DLGAP4: variants seen among roughly 807,000 people sequenced by gnomAD.
DLGAP4 encodes disks large-associated protein 4.
DLGAP4 carries 18 observed loss-of-function variants against 86.9 expected under a neutral mutation model. The ratio of observed to expected loss-of-function variants is 0.21; its 90% CI spans 0.14 to 0.31. The LOEUF (loss-of-function observed/expected upper bound fraction) is 0.31, where lower values mean the gene tolerates loss of function less well. Ranked by LOEUF, DLGAP4 falls within the 10% of genes least tolerant of loss-of-function variation. The pLI is 1.00. For missense variants in DLGAP4, 1,085 were observed against 1,362.6 expected (o/e 0.80, Z 3.21); for synonymous variants, 548 against 574.3 (o/e 0.95, Z 0.65).
chr20:36,397,225 G>GA (rs1167524911), intron 2 of DLGAP4, among the ~76,000 whole-genome samples: 1 of 152,182 alleles, frequency 6.6e-6, no homozygotes, highest in African/African-American at 2.4e-5. Context: ...GAGCTTGTTA[G>GA]AAAATGTAAG....
chr20:36,394,710 T>G (rs1569483909), intron 2 of DLGAP4, among the ~76,000 whole-genome samples: 1 of 127,392 alleles, frequency 7.8e-6, no homozygotes, highest in Non-Finnish European at 1.6e-5. Flanking sequence ...TCCCAGCCTC[T>G]CCATGACCCA....
chr20:36,499,285 G>A (rs745981177), intron 8 of DLGAP4: 5 of 1,613,830 alleles, frequency 3.1e-6, no homozygotes, highest in East Asian at 2.2e-5. Flanking sequence ...GAGGACAACG[G>A]ACCCAAAGCG....
intron 8 of DLGAP4, chr20:36,499,357 TCCCGCCCACCTG>T (rs763710361): frequency 4.5e-6 from 5 of 1,113,836 alleles, no homozygotes; most frequent in East Asian, 5.4e-5. Context: ...CCATCCCACC[TCCCGCCCACCTG>T]CCCGCCCGCC....
chr20:36,348,658 C>CA (rs2030025967), intron 1 of DLGAP4, among the ~76,000 whole-genome samples: 1 of 151,956 alleles, frequency 6.6e-6, no homozygotes, highest in Non-Finnish European at 1.5e-5. Flanking sequence ...ACCTTGTGAT[C>CA]CGCCCACTTC....
At chr20:36,356,618 G>A (rs1243850699) in intron 1 of DLGAP4, among the ~76,000 whole-genome samples, 1 of 147,828 alleles carries the variant, frequency 6.8e-6, no homozygotes, top group Admixed American at 6.8e-5. Context: ...GCCCGTTGTT[G>A]TTTTTGTTTG....
At chr20:36,483,628 T>G (rs1365466615) in intron 7 of DLGAP4, among the ~76,000 whole-genome samples, 1 of 152,186 alleles carries the variant, frequency 6.6e-6, no homozygotes. Flanking sequence ...TCAGGCCCCC[T>G]TGGGAATCCC....
intron 1 of DLGAP4, among the ~76,000 whole-genome samples, chr20:36,327,608 T>G: frequency 6.8e-6 from 1 of 147,700 alleles, no homozygotes; most frequent in Admixed American, 6.7e-5. Context: ...TTTTTTTTTT[T>G]TGAGACGGAG....
chr20:36,496,963 C>G lies in DLGAP4; in HGVS notation c.1907C>G (p.Pro636Arg), dbSNP rs558006730. 6.2e-7 allele frequency: 1 copy of G among 1,614,154 alleles called. No homozygotes were observed. The highest frequency in any genetic ancestry group is 8.5e-7 in the Non-Finnish European group (1 of 1,180,016). Residue 636 changes from proline to arginine, a missense_variant, in exon 8 of 13, where the codon CCC becomes CGC. Around this residue, in one of 2 missense-constraint regions of DLGAP4, gnomAD observed 1,082 missense variants for 1,344.1 expected, o/e 0.81. Coordinates refer to ENST00000339266, the MANE Select transcript of DLGAP4 (RefSeq NM_001365621.2). Reference protein sequence around the residue: ...VAPAPEAPEPPPKHAALKSEQ... With the variant: ...VAPAPEAPEPRPKHAALKSEQ... The stretch of plus-strand genomic sequence containing the variant: ...CCAGCCCCTGAGGCCCCAGAGCCAC[C>G]CCCAAAACATGCAGCTCTGAAAAGT...
chr20:36,432,308 C>T lies in DLGAP4; in HGVS notation c.591C>T (p.Ser197=), dbSNP rs2033150929. 2 of 1,613,628 alleles carry T rather than the reference C, an allele frequency of 1.2e-6. No individual in the cohort carries two copies. Among genetic ancestry groups the T allele is most frequent in the African/African-American group, 1.3e-5 (1 of 74,948 alleles). Residue 197 remains serine, a synonymous_variant, in exon 3 of 13, where the codon AGC becomes AGT. Coordinates refer to ENST00000339266, the MANE Select transcript of DLGAP4 (RefSeq NM_001365621.2). This position sits in a 1 kb window ranked among gnomAD's most constrained non-coding sequence, Gnocchi z 6.5. ...AGGCTGGGGAGCCCAAACGGCGCAGCCGCTCCAACATCTCAGGCTGGTGGA... is the reference window on the plus strand; with the variant it reads ...AGGCTGGGGAGCCCAAACGGCGCAGTCGCTCCAACATCTCAGGCTGGTGGA... ...RAKAGEPKRR[S]RSNISGWWSS...
intron 2 of DLGAP4, among the ~76,000 whole-genome samples, chr20:36,382,394 G>C (rs540157950): frequency 1.3e-5 from 2 of 151,706 alleles, no homozygotes; most frequent in African/African-American, 4.8e-5. Flanking sequence ...AGGGGGTGGG[G>C]GTGGAGGGGC....
chr20:36,515,593 T>C (rs1401167232), intron 10 of DLGAP4, among the ~76,000 whole-genome samples: 2 of 152,238 alleles, frequency 1.3e-5, no homozygotes, highest in African/African-American at 4.8e-5. Flanking sequence ...TGTATTTTAA[T>C]TTATTTATTT....
chr20:36,521,604 G>A (rs913036181), intron 10 of DLGAP4, among the ~76,000 whole-genome samples: 3 of 152,034 alleles, frequency 2.0e-5, no homozygotes, highest in African/African-American at 4.8e-5. Flanking sequence ...AAGCCTTTCA[G>A]CCCTCCTCTC....
intron 1 of DLGAP4, among the ~76,000 whole-genome samples, chr20:36,332,679 G>T (rs574991794): frequency 6.6e-6 from 1 of 152,070 alleles, no homozygotes; most frequent in Non-Finnish European, 1.5e-5. Context: ...CATCTGTCCC[G>T]GCAGCCCCAG....
chr20:36,465,946 C>G (rs578031057), intron 7 of DLGAP4, among the ~76,000 whole-genome samples: 2 of 152,272 alleles, frequency 1.3e-5, no homozygotes, highest in East Asian at 3.9e-4. Flanking sequence ...GGAAGTTTGT[C>G]CTTGCTGGCT....
Position 36,317,313 on chromosome 20 carries a change from C to A in DLGAP4, c.-304+10801C>A, listed in dbSNP as rs1405117547. 1.7e-4 allele frequency among the ~76,000 whole-genome samples: 3 copies of A among 18,178 alleles called. 1 individual carries two copies. The highest frequency in any genetic ancestry group is 3.1e-4 in the Non-Finnish European group (3 of 9,822). The allele number at this position is 18,178 out of a possible 152,430, so 11.9% of individuals were successfully genotyped here. A position where few individuals can be genotyped will look rare whatever the true frequency, so the allele number is the denominator to read the frequency against. On this transcript the variant is annotated intron_variant, in intron 1 of 12. Transcript: ENST00000339266. The stretch of plus-strand genomic sequence containing the variant: ...CTTTCTTATCTTTCTTTCTTCCTTC[C>A]TTCCTTCCTTCCTTCCTCTTTCTCT...
chr20:36,383,016 C>T (rs1259741351), intron 2 of DLGAP4, among the ~76,000 whole-genome samples: 1 of 152,236 alleles, frequency 6.6e-6, no homozygotes, highest in Non-Finnish European at 1.5e-5. Flanking sequence ...ATGTGCCACA[C>T]TTGGTGCTGG....
chr20:36,419,618 G>A (rs1432543732), intron 2 of DLGAP4, among the ~76,000 whole-genome samples: 1 of 152,206 alleles, frequency 6.6e-6, no homozygotes, highest in East Asian at 1.9e-4. Flanking sequence ...GCCATCCGAA[G>A]TCCTAACTGG....
At chr20:36,315,961 A>C (rs1483440143) in intron 1 of DLGAP4, among the ~76,000 whole-genome samples, 2 of 152,194 alleles carry the variant, frequency 1.3e-5, no homozygotes, top group African/African-American at 4.8e-5. Context: ...GTGGCCCACC[A>C]GCCCTGTGGC....
At position 36,306,727 on chromosome 20, in the gene DLGAP4, G is replaced by GGTTGGGATCGCCCCATCC. The variant is rs1195301379; in HGVS notation, c.-304+216_-304+233dup. ...TGTGCGGCTGGGAAGCGCCTTCTCCGGTTGGGATCGCCCCATCCATGTCTC... is the reference window on the plus strand; with the variant it reads ...TGTGCGGCTGGGAAGCGCCTTCTCCGGTTGGGATCGCCCCATCCGTTGGGATCGCCCCATCCATGTCTC... On this transcript the variant is annotated intron_variant, in intron 1 of 12. Coordinates refer to ENST00000339266, the MANE Select transcript of DLGAP4 (RefSeq NM_001365621.2). This position sits in a 1 kb window ranked among gnomAD's most constrained non-coding sequence, Gnocchi z 4.9. 2.0e-5 allele frequency among the ~76,000 whole-genome samples: 3 copies of GGTTGGGATCGCCCCATCC among 152,122 alleles called. No individual in the cohort carries two copies. The highest frequency in any genetic ancestry group is 7.2e-5 in the African/African-American group (3 of 41,424).
Sources: gnomAD v4.1 joint callset for allele counts (sites outside exome capture counted in the v4.1 genomes callset) on GRCh38, gnomAD v4.1.1 for gene constraint, gnomAD v4.1.1 regional missense constraint, Gnocchi (gnomAD v3.1) non-coding constraint, MANE v1.5 for transcripts, NCBI Gene and HGNC (gene_info 2026-07-23, HGNC 2026-07-21) for gene names.